WDTC1: variants seen among roughly 807,000 people sequenced by gnomAD.
WDTC1 encodes WD and tetratricopeptide repeats protein 1.
WDTC1 carries 12 observed loss-of-function variants against 76.0 expected under a neutral mutation model. The observed-to-expected ratio is 0.16, with a 90% confidence interval of 0.10 to 0.26. WDTC1 has a LOEUF of 0.26. WDTC1 is among the 10% of genes least tolerant of loss of function. The probability of loss-of-function intolerance (pLI) is 1.00; values close to 1 mark genes in which losing one functional copy is unlikely to be tolerated. For missense variants in WDTC1, 511 were observed against 908.8 expected, an observed-to-expected ratio of 0.56 and a Z score of 5.63; for synonymous variants, 326 against 350.8, an observed-to-expected ratio of 0.93 and a Z score of 0.79.
rs2013876880 is a variant in WDTC1 at position 27,303,368 on chromosome 1, G to A, written c.1469-253G>A. Among the ~76,000 whole-genome samples the A allele has an allele frequency of 6.6e-6, 1 of 152,102 alleles. No homozygotes were observed. Among genetic ancestry groups the A allele is most frequent in the South Asian group, 2.1e-4 (1 of 4,828 alleles). The stretch of plus-strand genomic sequence containing the variant: ...AGACTTTGAGTCTCTGCATCTTTGG[G>A]GCTTTCAGGCCCTCATTTAGGGACC... On this transcript the variant is annotated intron_variant, in intron 13 of 15. Coordinates refer to ENST00000319394, the MANE Select transcript of WDTC1 (RefSeq NM_001276252.2). This position sits in a 1 kb window ranked among gnomAD's most constrained non-coding sequence, Gnocchi z 4.8.
intron 14 of WDTC1, chr1:27,304,019 C>T (rs959763722): frequency 7.4e-6 from 4 of 537,784 alleles, no homozygotes; most frequent in Non-Finnish European, 1.3e-5. Flanking sequence ...AATAAGATAA[C>T]CCAAGTAGAG....
At chr1:27,279,453 G>A (rs533659108) in intron 3 of WDTC1, among the ~76,000 whole-genome samples, 7 of 152,262 alleles carry the variant, frequency 4.6e-5, no homozygotes, top group South Asian at 4.1e-4. Context: ...TGGGAGGATC[G>A]CTGGAGCCCG....
At chr1:27,304,033 C>A in intron 14 of WDTC1, 1 of 482,618 alleles carries the variant, frequency 2.1e-6, no homozygotes, top group Non-Finnish European at 3.6e-6. Flanking sequence ...AGTAGAGCCT[C>A]CAGCGCAGTG....
chr1:27,286,675 G>A (rs2013350174), intron 5 of WDTC1, among the ~76,000 whole-genome samples: 1 of 151,418 alleles, frequency 6.6e-6, no homozygotes, highest in South Asian at 2.1e-4. Context: ...TGTTAGCCAG[G>A]ATGGTCTGGA....
At chr1:27,264,570 G>C (rs572646982) in intron 3 of WDTC1, among the ~76,000 whole-genome samples, 2 of 152,236 alleles carry the variant, frequency 1.3e-5, no homozygotes, top group Non-Finnish European at 2.9e-5. Context: ...CTGACATAGA[G>C]ACTCCATAAT....
chr1:27,270,519 C>A lies in WDTC1; in HGVS notation c.132+7284C>A, dbSNP rs552348389. On this transcript the variant is annotated intron_variant, in intron 3 of 15. Transcript: ENST00000319394. ...ACCAGCCTGGCTAACACGGTGAAAC[C>A]CTGTCTCTACTAAAAATACAAAAAT... Among the ~76,000 whole-genome samples the A allele has an allele frequency of 3.3e-5, 5 of 152,170 alleles. No individual in the cohort carries two copies. The East Asian group carries it at 9.7e-4, about 29-fold the overall frequency.
chr1:27,291,513 C>T (rs543404432), intron 6 of WDTC1, among the ~76,000 whole-genome samples: 61 of 152,238 alleles, frequency 4.0e-4, no homozygotes, highest in African/African-American at 1.3e-3. Flanking sequence ...TGATGTCCCC[C>T]CTACCCACCA....
rs114956596 is a variant in WDTC1 at position 27,278,475 on chromosome 1, G to T, written c.133-3764G>T. ...ATATGACAGAAATGTTCTAGACACT[G>T]GGAAAATAATATAGCAGTGAATAAG... is the stretch of plus-strand genomic sequence containing the variant. On this transcript the variant is annotated intron_variant, in intron 3 of 15. Coordinates refer to ENST00000319394, the MANE Select transcript of WDTC1 (RefSeq NM_001276252.2). Among the ~76,000 whole-genome samples the T allele has an allele frequency of 4.4e-3, 671 of 152,302 alleles. 6 individuals carry two copies. The highest frequency in any genetic ancestry group is 0.016 in the African/African-American group (646 of 41,564).
intron 4 of WDTC1, 83 bp downstream of exon 4, chr1:27,282,368 C>T: frequency 7.1e-7 from 1 of 1,413,968 alleles, no homozygotes; most frequent in African/African-American, 1.4e-5. Context: ...TGAGAGGATC[C>T]AAGGAAAAGA....
chr1:27,275,762 G>A lies in WDTC1; in HGVS notation c.133-6477G>A, dbSNP rs2013006575. Among the ~76,000 whole-genome samples, 3 of 152,094 alleles carry A rather than the reference G, an allele frequency of 2.0e-5. No individual in the cohort carries two copies. The South Asian group carries it at 6.2e-4, about 31-fold the overall frequency. Reference sequence around the variant, plus strand: ...CAGAATGTCGCCTGTTTGCTTGTTTGTTATTTTATTTAATTGAGTGGTTTT... The same window carrying A: ...CAGAATGTCGCCTGTTTGCTTGTTTATTATTTTATTTAATTGAGTGGTTTT... On this transcript the variant is annotated intron_variant, in intron 3 of 15. Transcript: ENST00000319394.
intron 5 of WDTC1, among the ~76,000 whole-genome samples, chr1:27,284,779 A>AC (rs2013284534): frequency 1.3e-5 from 2 of 151,622 alleles, no homozygotes; most frequent in South Asian, 4.2e-4. Context: ...AAAAAAAAAA[A>AC]CAACCTGAAA....
intron 1 of WDTC1, among the ~76,000 whole-genome samples, chr1:27,242,632 G>C (rs771856936): frequency 1.2e-4 from 18 of 152,096 alleles, no homozygotes; most frequent in Admixed American, 2.0e-4. Context: ...ACCACGCCTG[G>C]CTAATTTTTT....
intron 6 of WDTC1, among the ~76,000 whole-genome samples, chr1:27,290,998 C>T (rs550151613): frequency 9.9e-5 from 15 of 152,196 alleles, no homozygotes; most frequent in Middle Eastern, 3.2e-3. Flanking sequence ...TTGACCTTGG[C>T]TGACCAGATT....
intron 1 of WDTC1, among the ~76,000 whole-genome samples, chr1:27,258,331 G>A (rs1189449583): frequency 2.0e-5 from 3 of 151,440 alleles, no homozygotes; most frequent in African/African-American, 4.8e-5. Flanking sequence ...TCGGGAGTTC[G>A]AGACCAGCCT....
At chr1:27,251,033 ATTTTTTTTTTTTTT>A (rs71584875) in intron 1 of WDTC1, among the ~76,000 whole-genome samples, 382 of 28,690 alleles carry the variant, frequency 0.013, 8 homozygotes, top group African/African-American at 0.031. Flanking sequence ...CTCCTGGCTA[ATTTTTTTTTTTTTT>A]TTTTTTTTTT....
chr1:27,291,583 T>A (rs186037723), intron 6 of WDTC1, among the ~76,000 whole-genome samples: 79 of 152,066 alleles, frequency 5.2e-4, no homozygotes, highest in African/African-American at 1.9e-3. Flanking sequence ...GCGGTGGGAG[T>A]TTGCTGCTGT....
intron 3 of WDTC1, among the ~76,000 whole-genome samples, chr1:27,275,464 G>A (rs987691856): frequency 4.0e-5 from 6 of 151,724 alleles, no homozygotes; most frequent in Non-Finnish European, 8.8e-5. Context: ...CTAAAAATAC[G>A]AAAAATTAGC....
At chr1:27,290,821 A>G (rs1004742462) in intron 6 of WDTC1, among the ~76,000 whole-genome samples, 1 of 152,236 alleles carries the variant, frequency 6.6e-6, no homozygotes, top group Non-Finnish European at 1.5e-5. Context: ...TCTAAGTCAT[A>G]TATAAATTAT....
intron 12 of WDTC1, among the ~76,000 whole-genome samples, chr1:27,299,973 C>T (rs953235523): frequency 1.3e-5 from 2 of 152,208 alleles, no homozygotes; most frequent in Non-Finnish European, 2.9e-5. Context: ...GTCTGGCTCT[C>T]CCCAGGAGCT....
Sources: allele counts gnomAD v4.1 joint callset (sites outside exome capture counted in the v4.1 genomes callset), GRCh38; gene constraint gnomAD v4.1.1; non-coding constraint Gnocchi (gnomAD v3.1); transcripts MANE v1.5; gene names NCBI Gene and HGNC (gene_info 2026-07-23, HGNC 2026-07-21).